The following CSTF3 variants were observed in gnomAD, a reference collection of about 807,000 sequenced individuals.
The protein encoded by CSTF3 is CF-1 77 kDa subunit.
A neutral mutation model predicts 105.8 loss-of-function variants in CSTF3; 29 were observed. The ratio of observed to expected loss-of-function variants is 0.27; its 90% CI spans 0.20 to 0.37. The LOEUF is 0.37. Ranked by LOEUF, CSTF3 falls within the 10% of genes least tolerant of loss-of-function variation. CSTF3 has a pLI of 1.00. For missense variants in CSTF3, 357 were observed against 879.3 expected (o/e 0.41, Z 7.51); for synonymous variants, 252 against 281.9 (o/e 0.89, Z 1.06).
intron 3 of CSTF3, among the ~76,000 whole-genome samples, chr11:33,132,371 T>C (rs900670215): frequency 1.3e-5 from 2 of 151,830 alleles, no homozygotes; most frequent in Non-Finnish European, 2.9e-5. Context: ...TGAACTTGAA[T>C]AATAATTTTC....
chr11:33,145,774 AC>A (rs1182590028), intron 1 of CSTF3, among the ~76,000 whole-genome samples: 4 of 152,188 alleles, frequency 2.6e-5, no homozygotes, highest in African/African-American at 9.6e-5. Flanking sequence ...AGATGGCGCC[AC>A]TGCACTCCAG....
chr11:33,086,059 C>CT, intron 18 of CSTF3, 70 bp from the exon 19 acceptor site: 1 of 965,384 alleles, frequency 1.0e-6, no homozygotes, highest in Non-Finnish European at 1.5e-6. Context: ...AATCAAGTGA[C>CT]TTGCACATAA....
At position 33,102,988 on chromosome 11, in the gene CSTF3, T is replaced by C. The variant is rs182534444; in HGVS notation, c.663+119A>G. On this transcript the variant is annotated intron_variant, in intron 9 of 20. Coordinates refer to ENST00000323959, the MANE Select transcript of CSTF3 (RefSeq NM_001326.3). The stretch of plus-strand genomic sequence containing the variant: ...ATGTCATCTCCTCAGACTTTGCAAT[T>C]AATTGCTGTTAAGATTGCTAATGAC... The C allele has an allele frequency of 1.0e-3, 677 of 654,062 alleles. 7 individuals are homozygous for C. In the African/African-American group the frequency reaches 0.012, roughly 12 times the overall value. The allele number at this position is 654,062 out of a possible 1,614,324, so 40.5% of individuals were successfully genotyped here.
In CSTF3 at chr11:33,161,315, T is replaced by C; in HGVS notation, c.11A>G (p.Asp4Gly). 1 of 1,613,092 alleles carries C rather than the reference T, an allele frequency of 6.2e-7. No homozygotes were observed. The highest frequency in any genetic ancestry group is 8.5e-7 in the Non-Finnish European group (1 of 1,180,004). The change falls in exon 1 of 21, where the codon GAC becomes GGC. Residue 4 changes from aspartate to glycine, a missense_variant. Physicochemically the swap from Asp to Gly is moderately conservative, Grantham distance 94 (BLOSUM62 -1). Coordinates refer to ENST00000323959, the MANE Select transcript of CSTF3 (RefSeq NM_001326.3). The part of the protein sequence containing the change: MSG[D>G]GATEQAAEYV... ...CTTCCTCACCTGCTCCGTGGCTCCG[T>C]CTCCTGACATGGCCTCAGCTGATTA...
At chr11:33,087,196 AATC>A in intron 17 of CSTF3, 55 bp from the exon 18 acceptor site, 1 of 1,569,984 alleles carries the variant, frequency 6.4e-7, no homozygotes, top group Non-Finnish European at 8.7e-7. Context: ...ACTAGAGAAT[AATC>A]ATGCAATAAC....
chr11:33,122,522 A>G (rs1247487861), intron 3 of CSTF3, among the ~76,000 whole-genome samples: 1 of 152,242 alleles, frequency 6.6e-6, no homozygotes, highest in Non-Finnish European at 1.5e-5. Context: ...AAGCTTAAAA[A>G]GATGAAAAAA....
Position 33,084,849 on chromosome 11 carries a change from A to G in CSTF3, c.*238T>C. ...AGAGGGAACAAAATGTGGTTCTGCC[A>G]CTTTGTACTGTTCTCACATTTTTGA... is the stretch of plus-strand genomic sequence containing the variant. On this transcript the variant is annotated 3_prime_UTR_variant, in exon 21 of 21. Coordinates refer to ENST00000323959, the MANE Select transcript of CSTF3 (RefSeq NM_001326.3). 1.8e-6 allele frequency: 1 copy of G among 549,890 alleles called. No individual in the cohort carries two copies. The highest frequency in any genetic ancestry group is 3.2e-6 in the Non-Finnish European group (1 of 307,958). The allele number at this position is 549,890 out of a possible 1,614,324, so 34.1% of individuals were successfully genotyped here. A position where few individuals can be genotyped will look rare whatever the true frequency, so the allele number is the denominator to read the frequency against.
intron 10 of CSTF3, among the ~76,000 whole-genome samples, chr11:33,100,919 G>A (rs1402045448): frequency 6.6e-6 from 1 of 152,188 alleles, no homozygotes; most frequent in Non-Finnish European, 1.5e-5. Context: ...TTAAGAGTCT[G>A]GCACTGACAG....
intron 3 of CSTF3, among the ~76,000 whole-genome samples, chr11:33,129,282 G>C (rs1465702252): frequency 6.6e-6 from 1 of 152,118 alleles, no homozygotes; most frequent in Admixed American, 6.5e-5. Context: ...AGTAGAGACA[G>C]GGTGTCACCA....
In CSTF3 at chr11:33,087,044, T is replaced by C. The variant is rs765914953; in HGVS notation, c.1739A>G (p.Glu580Gly). 1 of 1,614,178 alleles carries C rather than the reference T, an allele frequency of 6.2e-7. No individual in the cohort carries two copies. Among genetic ancestry groups the C allele is most frequent in the Non-Finnish European group, 8.5e-7 (1 of 1,180,024 alleles). Residue 580 changes from glutamate to glycine, a missense_variant, in exon 18 of 21, where the codon GAA becomes GGA. Glu to Gly is a moderately conservative substitution (Grantham distance 98). Coordinates refer to ENST00000323959, the MANE Select transcript of CSTF3 (RefSeq NM_001326.3). ...VLKDEVDRKP[E>G]YPKPDTQQMI... ...CTGCTGAGTGTCTGGTTTAGGGTAT[T>C]CTGGTTTTCTATCCACTTCATCTTT...
intron 1 of CSTF3, among the ~76,000 whole-genome samples, 158 bp from the exon 2 acceptor site, chr11:33,142,144 T>C (rs1036615791): frequency 6.6e-6 from 1 of 152,158 alleles, no homozygotes; most frequent in African/African-American, 2.4e-5. Flanking sequence ...AACCGATGTG[T>C]ACAATCGTCC....
chr11:33,150,444 G>A (rs1013416998), intron 1 of CSTF3, among the ~76,000 whole-genome samples: 3 of 152,064 alleles, frequency 2.0e-5, no homozygotes, highest in African/African-American at 7.2e-5. Context: ...AACAGGCAGG[G>A]ACCCCAAATC....
intron 13 of CSTF3, among the ~76,000 whole-genome samples, chr11:33,097,625 C>T (rs983733133): frequency 6.6e-6 from 1 of 152,200 alleles, no homozygotes; most frequent in Non-Finnish European, 1.5e-5. Flanking sequence ...CCTCGACCTC[C>T]CAAAGTGCTG....
intron 3 of CSTF3, among the ~76,000 whole-genome samples, chr11:33,123,166 T>A: frequency 6.6e-6 from 1 of 150,714 alleles, no homozygotes; most frequent in Non-Finnish European, 1.5e-5. Flanking sequence ...TTAACTTCCC[T>A]AATGTGCTCT....
At chr11:33,098,646 A>AT (rs753613505) in intron 13 of CSTF3, 44 bp downstream of exon 13, 1 of 1,127,246 alleles carries the variant, frequency 8.9e-7, no homozygotes, top group Non-Finnish European at 1.3e-6. Context: ...TTTTTGTTAG[A>AT]TAAGACTGTA....
At chr11:33,142,856 T>A (rs888694799) in intron 1 of CSTF3, among the ~76,000 whole-genome samples, 2 of 152,230 alleles carry the variant, frequency 1.3e-5, no homozygotes, top group Admixed American at 1.3e-4. Context: ...GCTTCTGTAT[T>A]CAATCTGCTG....
intron 10 of CSTF3, 57 bp downstream of exon 10, chr11:33,102,120 A>G: frequency 6.8e-7 from 1 of 1,471,152 alleles, no homozygotes; most frequent in Admixed American, 1.7e-5. Flanking sequence ...ACCTATGGGG[A>G]TACCAAGTGG....
intron 5 of CSTF3, among the ~76,000 whole-genome samples, chr11:33,107,588 A>G (rs1855339432): frequency 6.6e-6 from 1 of 152,024 alleles, no homozygotes; most frequent in Non-Finnish European, 1.5e-5. Flanking sequence ...GTGACCTCAC[A>G]AAAGTGGTAC....
intron 4 of CSTF3, 147 bp downstream of exon 4, chr11:33,108,239 C>T: frequency 1.2e-6 from 1 of 814,050 alleles, no homozygotes. Flanking sequence ...CATTTTCAAG[C>T]ATATAAAAAA....
Sources: allele counts gnomAD v4.1 joint callset (sites outside exome capture counted in the v4.1 genomes callset), GRCh38; gene constraint gnomAD v4.1.1; transcripts MANE v1.5; gene names NCBI Gene and HGNC (gene_info 2026-07-23, HGNC 2026-07-21).